Variants in TRPM3 observed in about 807,000 individuals in gnomAD.
TRPM3 encodes long transient receptor potential channel 3.
Under a neutral mutation model 181.2 loss-of-function variants are expected in TRPM3, and 77 were observed. The observed-to-expected ratio is 0.42, with a 90% CI of 0.35 to 0.51. The LOEUF is 0.51. TRPM3 is among the 20% of genes least tolerant of loss of function. The probability of loss-of-function intolerance (pLI) is 0.01; values close to 1 mark genes in which losing one functional copy is unlikely to be tolerated. For missense variants in TRPM3, 1,759 were observed against 2,196.7 expected (o/e 0.80, Z 3.98); for synonymous variants, 745 against 796.4 (o/e 0.94, Z 1.09).
At chr9:70,943,411 C>T (rs139945250) in intron 1 of TRPM3, among the ~76,000 whole-genome samples, 107 of 152,348 alleles carry the variant, frequency 7.0e-4, no homozygotes, top group Admixed American at 2.5e-3. Flanking sequence ...GATTGCATAA[C>T]ATATAGTTCC....
chr9:70,565,867 C>T (rs1394060045), intron 22 of TRPM3, among the ~76,000 whole-genome samples: 3 of 152,108 alleles, frequency 2.0e-5, no homozygotes, highest in Non-Finnish European at 4.4e-5. Flanking sequence ...GTGTCTGAGC[C>T]TCAGTGTCCT....
chr9:70,817,957 T>G (rs2092846035), intron 6 of TRPM3, among the ~76,000 whole-genome samples: 1 of 152,218 alleles, frequency 6.6e-6, no homozygotes, highest in South Asian at 2.1e-4. Context: ...TGGTTTTTTT[T>G]GGAACTGTTA....
intron 1 of TRPM3, among the ~76,000 whole-genome samples, chr9:71,086,471 T>A (rs539797712): frequency 6.6e-6 from 1 of 152,012 alleles, no homozygotes; most frequent in Admixed American, 6.6e-5. Flanking sequence ...TTGCTTAGAT[T>A]TAGATGCCCA....
rs557282340 is a variant in TRPM3 at position 71,333,630 on chromosome 9, C to A, written c.183+113023G>T. 2.0e-5 allele frequency among the ~76,000 whole-genome samples: 3 copies of A among 152,014 alleles called. 1 individual carries two copies. Among genetic ancestry groups the A allele is most frequent in the African/African-American group, 7.2e-5 (3 of 41,484 alleles). On this transcript the variant is annotated intron_variant, in intron 1 of 24. Coordinates refer to the TRPM3 transcript ENST00000357533. ...TTCCTCCAACAACCACGGGAGTCAG[C>A]TGAAATAGTCCTCTTCCAGCAGACT...
At chr9:70,773,785 T>C (rs2080819845) in intron 7 of TRPM3, among the ~76,000 whole-genome samples, 1 of 152,214 alleles carries the variant, frequency 6.6e-6, no homozygotes, top group Admixed American at 6.5e-5. Flanking sequence ...TTAAACACTG[T>C]TGTGCCTTGC....
chr9:70,598,541 G>T lies in TRPM3; in HGVS notation c.2926C>A (p.Pro976Thr). 6.2e-7 allele frequency: 1 copy of T among 1,614,210 alleles called. No individual in the cohort carries two copies. Among genetic ancestry groups the T allele is most frequent in the Non-Finnish European group, 8.5e-7 (1 of 1,180,042 alleles). The stretch of plus-strand genomic sequence containing the variant: ...ATGACCCTCCCGTCACTCCTGAAGG[G>T]CTGGTCTTGGAGACGAAGGATCATT... Reference protein sequence around the residue: ...VGMILRLQDQPFRSDGRVIYC... With the variant: ...VGMILRLQDQTFRSDGRVIYC... The change falls in exon 21 of 26, where the codon CCC becomes ACC. Residue 976 changes from proline (P) to threonine (T), a missense_variant. Physicochemically the swap from Pro to Thr is conservative, Grantham distance 38. Coordinates refer to ENST00000677713, the MANE Select transcript of TRPM3 (RefSeq NM_001366145.2).
chr9:71,265,356 T>C (rs191500666), intron 1 of TRPM3, among the ~76,000 whole-genome samples: 125 of 152,330 alleles, frequency 8.2e-4, no homozygotes, highest in African/African-American at 3.0e-3. Flanking sequence ...TTAAATTTAT[T>C]GCTCATAGTA....
intron 1 of TRPM3, among the ~76,000 whole-genome samples, chr9:71,181,421 A>G (rs936459239): frequency 8.0e-5 from 12 of 150,870 alleles, no homozygotes; most frequent in African/African-American, 2.7e-4. Context: ...CCACAAGATG[A>G]TAAACAAAAC....
At chr9:70,922,702 G>A (rs1285995228) in intron 1 of TRPM3, among the ~76,000 whole-genome samples, 1 of 152,022 alleles carries the variant, frequency 6.6e-6, no homozygotes, top group Non-Finnish European at 1.5e-5. Context: ...ATACTCCACT[G>A]GTAAGAAAAT....
rs79410481 is a variant in TRPM3, at chr9:71,328,875, A to G, written c.183+117778T>C. Among the ~76,000 whole-genome samples the G allele has an allele frequency of 3.8e-3, 572 of 152,346 alleles. 4 individuals are homozygous for G. Among genetic ancestry groups the G allele is most frequent in the Non-Finnish European group, 3.1e-3 (209 of 68,028 alleles). ...ACCTTCAATGCTGTCACAGAAAGCA[A>G]TGTATCCCTATAACCATTCCCAGAG... is the stretch of plus-strand genomic sequence containing the variant. On this transcript the variant is annotated intron_variant, in intron 1 of 24. Transcript: ENST00000357533.
At chr9:70,635,312 T>C in intron 11 of TRPM3, 51 bp from the exon 12 acceptor site, 4 of 1,556,168 alleles carry the variant, frequency 2.6e-6, no homozygotes, top group Non-Finnish European at 3.5e-6. Context: ...GGGGCTCTGG[T>C]TGGCAAGACA....
At chr9:70,914,053 C>T (rs1286781313) in intron 1 of TRPM3, among the ~76,000 whole-genome samples, 1 of 152,206 alleles carries the variant, frequency 6.6e-6, no homozygotes, top group Non-Finnish European at 1.5e-5. Context: ...GAATGTGTGT[C>T]CTTTCAAAAT....
At chr9:71,341,813 A>T (rs1283488244) in intron 1 of TRPM3, among the ~76,000 whole-genome samples, 1 of 152,056 alleles carries the variant, frequency 6.6e-6, no homozygotes, top group Non-Finnish European at 1.5e-5. Context: ...GAAGTGGAGA[A>T]AAGTATATAT....
intron 1 of TRPM3, among the ~76,000 whole-genome samples, chr9:71,118,972 A>C (rs1372119187): frequency 6.6e-6 from 1 of 152,198 alleles, no homozygotes. Context: ...GCAAGAATAC[A>C]TAGGAACTAG....
chr9:70,943,547 T>C (rs2096905274), intron 1 of TRPM3, among the ~76,000 whole-genome samples: 1 of 152,214 alleles, frequency 6.6e-6, no homozygotes, highest in Non-Finnish European at 1.5e-5. Flanking sequence ...TTTTATTGAC[T>C]ATGTGCAAAT....
intron 9 of TRPM3, among the ~76,000 whole-genome samples, chr9:70,650,082 C>T (rs749834619): frequency 6.6e-6 from 1 of 152,122 alleles, no homozygotes; most frequent in Non-Finnish European, 1.5e-5. Context: ...TCAATGTTCT[C>T]ACTTATAAGT....
chr9:70,562,894 G>A (rs1278300051), intron 22 of TRPM3, among the ~76,000 whole-genome samples: 1 of 152,114 alleles, frequency 6.6e-6, no homozygotes, highest in African/African-American at 2.4e-5. Flanking sequence ...GTCATGATTA[G>A]GAGATCGATT....
At chr9:71,212,755 G>A (rs961006246) in intron 1 of TRPM3, among the ~76,000 whole-genome samples, 3 of 152,280 alleles carry the variant, frequency 2.0e-5, no homozygotes, top group Admixed American at 2.0e-4. Flanking sequence ...AAGAAAAAGG[G>A]CTGAAAGTAA....
intron 1 of TRPM3, among the ~76,000 whole-genome samples, chr9:71,255,260 T>G (rs1279588491): frequency 6.6e-6 from 1 of 152,236 alleles, no homozygotes; most frequent in Non-Finnish European, 1.5e-5. Flanking sequence ...ATTTTTGTAA[T>G]GCTCATTTTA....
Sources: gnomAD v4.1 joint callset for allele counts (sites outside exome capture counted in the v4.1 genomes callset) on GRCh38, gnomAD v4.1.1 for gene constraint, MANE v1.5 for transcripts, NCBI Gene and HGNC (gene_info 2026-07-23, HGNC 2026-07-21) for gene names.